Variants in FRMD4B observed in about 807,000 individuals in gnomAD.
FRMD4B encodes FERM domain-containing protein 4B.
In FRMD4B, 74 loss-of-function variants were observed where a neutral mutation model predicts 141.5. That is an observed-to-expected ratio of 0.52 (90% CI 0.43 to 0.63). FRMD4B has a LOEUF of 0.63. Ranked by LOEUF, FRMD4B falls within the 30% of genes least tolerant of loss-of-function variation. The pLI, the probability that FRMD4B is intolerant of heterozygous loss-of-function variation, is 0.00. For missense variants in FRMD4B, 1,366 were observed against 1,253.4 expected, an observed-to-expected ratio of 1.09 and a Z score of -1.36; for synonymous variants, 506 against 467.9, an observed-to-expected ratio of 1.08 and a Z score of -1.05.
rs1040407058 is a variant in FRMD4B, at chr3:69,537,211, T to G, written c.-129+4995A>C. On this transcript the variant is annotated intron_variant, in intron 1 of 5. Transcript: ENST00000459638. ...AGGGAAGCCAGCACGATCGCCCTGC[T>G]TCTAGGGCCCCTCTGCTGTGAGTGA... Among the ~76,000 whole-genome samples, 14 of 152,330 alleles carry G rather than the reference T, an allele frequency of 9.2e-5. 1 individual carries two copies. The highest frequency in any genetic ancestry group is 3.1e-4 in the African/African-American group (13 of 41,570).
chr3:69,337,103 C>T (rs1260792717), intron 1 of FRMD4B, among the ~76,000 whole-genome samples: 1 of 152,078 alleles, frequency 6.6e-6, no homozygotes, highest in Admixed American at 6.5e-5. Context: ...GGTATCAAAA[C>T]AGAGATATAG....
chr3:69,328,881 T>C (rs1488431525), intron 1 of FRMD4B, among the ~76,000 whole-genome samples: 3 of 152,130 alleles, frequency 2.0e-5, no homozygotes, highest in Non-Finnish European at 2.9e-5. Context: ...TTGTTTAGCA[T>C]ATGATCAAGA....
At chr3:69,347,153 G>T (rs1302803999) in intron 1 of FRMD4B, among the ~76,000 whole-genome samples, 1 of 151,740 alleles carries the variant, frequency 6.6e-6, no homozygotes, top group African/African-American at 2.4e-5. Context: ...GAAGCAAATG[G>T]AAAACAAAAA....
intron 11 of FRMD4B, among the ~76,000 whole-genome samples, chr3:69,204,477 A>C (rs1232294942): frequency 6.6e-6 from 1 of 152,220 alleles, no homozygotes; most frequent in Non-Finnish European, 1.5e-5. Context: ...ATGACTATAC[A>C]TCAGTGACTC....
chr3:69,302,309 AAG>A (rs3032194), intron 4 of FRMD4B, 32 bp downstream of exon 4: 417,538 of 1,149,408 alleles, frequency 0.36, 81,665 homozygotes, highest in Middle Eastern at 0.41. Flanking sequence ...ACAGCAAAAA[AAG>A]AGGGATGCTA....
chr3:69,510,080 C>A (rs1706665709), intron 1 of FRMD4B, among the ~76,000 whole-genome samples: 1 of 151,924 alleles, frequency 6.6e-6, no homozygotes, highest in Admixed American at 6.5e-5. Context: ...ACAAGGTATG[C>A]TTGTGCCTCC....
chr3:69,414,256 G>A (rs573326177), intron 2 of FRMD4B, among the ~76,000 whole-genome samples: 14 of 152,070 alleles, frequency 9.2e-5, no homozygotes, highest in Middle Eastern at 3.4e-3. Flanking sequence ...AAATAATCAA[G>A]GTGCTGCTTT....
intron 1 of FRMD4B, among the ~76,000 whole-genome samples, chr3:69,502,069 G>A (rs1056105278): frequency 1.4e-4 from 22 of 152,260 alleles, no homozygotes; most frequent in Middle Eastern, 3.4e-3. Context: ...ATGCTCATGG[G>A]TAGGAAGAAT....
intron 1 of FRMD4B, among the ~76,000 whole-genome samples, chr3:69,433,342 G>A (rs1181675587): frequency 6.6e-6 from 1 of 152,184 alleles, no homozygotes; most frequent in Non-Finnish European, 1.5e-5. Context: ...TCCCCCAGAA[G>A]CTCCACTTCA....
At chr3:69,172,262 T>C (rs1336123468) in intron 22 of FRMD4B, among the ~76,000 whole-genome samples, 2 of 152,276 alleles carry the variant, frequency 1.3e-5, no homozygotes. Flanking sequence ...TTAAGTTACA[T>C]GTTAACTTGT....
At chr3:69,426,140 G>C (rs1300771344) in intron 2 of FRMD4B, among the ~76,000 whole-genome samples, 2 of 152,212 alleles carry the variant, frequency 1.3e-5, no homozygotes, top group Non-Finnish European at 2.9e-5. Flanking sequence ...GGAATCCAAA[G>C]TTAAACAACA....
chr3:69,315,499 G>A (rs1047229153), intron 1 of FRMD4B, among the ~76,000 whole-genome samples: 2 of 152,146 alleles, frequency 1.3e-5, no homozygotes, highest in Non-Finnish European at 2.9e-5. Flanking sequence ...GTGTGTATAT[G>A]TGTTTATCCG....
intron 1 of FRMD4B, among the ~76,000 whole-genome samples, chr3:69,499,776 A>G (rs984879036): frequency 5.3e-5 from 8 of 152,164 alleles, no homozygotes; most frequent in Admixed American, 5.2e-4. Flanking sequence ...TGGTGTTAAT[A>G]GCTGTGGCCC....
At chr3:69,194,589 G>A (rs1279195013) in intron 16 of FRMD4B, among the ~76,000 whole-genome samples, 1 of 152,146 alleles carries the variant, frequency 6.6e-6, no homozygotes, top group African/African-American at 2.4e-5. Context: ...TGCTGTGCAT[G>A]TATTATCTCA....
chr3:69,179,176 A>G (rs921013728), intron 21 of FRMD4B, among the ~76,000 whole-genome samples: 3 of 152,028 alleles, frequency 2.0e-5, no homozygotes, highest in Admixed American at 1.3e-4. Flanking sequence ...GTGGGGCCAC[A>G]TCTTGCTGGT....
intron 5 of FRMD4B, among the ~76,000 whole-genome samples, chr3:69,271,269 C>T (rs959564786): frequency 2.0e-5 from 3 of 152,188 alleles, no homozygotes; most frequent in Non-Finnish European, 4.4e-5. Flanking sequence ...CTTGGGCTGG[C>T]GATATACCAG....
chr3:69,335,873 C>T lies in FRMD4B; in HGVS notation c.163-22356G>A, dbSNP rs138108436. ...GAGTAGCTGGGATTACAGGTGCGTGCCACCATGTTCGGCTAATTTTTGTAT... is the reference window on the plus strand; with the variant it reads ...GAGTAGCTGGGATTACAGGTGCGTGTCACCATGTTCGGCTAATTTTTGTAT... On this transcript the variant is annotated intron_variant, in intron 1 of 22. Transcript: ENST00000398540. Among the ~76,000 whole-genome samples the T allele has an allele frequency of 4.2e-3, 639 of 152,002 alleles. 4 individuals carry two copies. The highest frequency in any genetic ancestry group is 0.014 in the African/African-American group (572 of 41,460).
Position 69,450,454 on chromosome 3 carries a change from C to CA in FRMD4B, c.-128-17694dup, listed in dbSNP as rs541824792. 3.8e-3 allele frequency among the ~76,000 whole-genome samples: 556 copies of CA among 146,876 alleles called. 1 individual carries two copies. The highest frequency in any genetic ancestry group is 6.0e-3 in the Non-Finnish European group (400 of 66,586). On this transcript the variant is annotated intron_variant, in intron 1 of 5. Coordinates refer to the FRMD4B transcript ENST00000459638. ...TGGGTGACAGAGTGAGACGCTGTCT[C>CA]AAAAAAAAACAAAATAGGCTGGGGG...
rs868020634 is a variant in FRMD4B at position 69,329,521 on chromosome 3, T to G, written c.163-16004A>C. The stretch of plus-strand genomic sequence containing the variant: ...TGCACCACCATGCCCAGCTAATTTT[T>G]TTTTTTTTTTTTTTTTTTTTTTTTG... On this transcript the variant is annotated intron_variant, in intron 1 of 22. Coordinates refer to ENST00000398540, the MANE Select transcript of FRMD4B (RefSeq NM_015123.3). Among the ~76,000 whole-genome samples the G allele has an allele frequency of 1.5e-3, 147 of 96,214 alleles. 1 individual carries two copies. The highest frequency in any genetic ancestry group is 0.012 in the African/African-American group (137 of 11,160). 63.1% of individuals were successfully genotyped at this position (96,214 alleles called of 152,430 possible).
Sources: allele counts gnomAD v4.1 joint callset (sites outside exome capture counted in the v4.1 genomes callset), GRCh38; gene constraint gnomAD v4.1.1; transcripts MANE v1.5; gene names NCBI Gene and HGNC (gene_info 2026-07-23, HGNC 2026-07-21).